WSB1: variants seen among roughly 807,000 people sequenced by gnomAD.
The protein encoded by WSB1 is WD repeat and SOCS box containing 1, also known as WD repeat and SOCS box-containing protein 1.
In WSB1, 23 loss-of-function variants were observed where a neutral mutation model predicts 50.2. The observed-to-expected ratio is 0.46, with a 90% CI of 0.33 to 0.65. WSB1 has a LOEUF of 0.65. Ranked by LOEUF, WSB1 falls within the 30% of genes least tolerant of loss-of-function variation. WSB1 has a pLI of 0.02. For missense variants in WSB1, 492 were observed against 522.3 expected (o/e 0.94, Z 0.56); for synonymous variants, 179 against 172.0 (o/e 1.04, Z -0.32).
rs1229731712 is a variant in WSB1, at chr17:27,300,698, T to G, written c.41-1090T>G. 7.5e-5 allele frequency among the ~76,000 whole-genome samples: 11 copies of G among 146,062 alleles called. No individual in the cohort carries two copies. In the South Asian group the frequency reaches 2.3e-3, roughly 31 times the overall value. ...TATAATGCATTTTGGTTTTTTTTGT[T>G]TTTTTTTTTTTATGACAGTCTTGCT... On this transcript the variant is annotated intron_variant, in intron 1 of 8. Transcript: ENST00000262394.
intron 2 of WSB1, 126 bp from the exon 3 acceptor site, chr17:27,303,241 C>G: frequency 1.9e-6 from 2 of 1,058,754 alleles, no homozygotes; most frequent in South Asian, 3.3e-5. Context: ...CTATAGGATT[C>G]TATTGTTATT....
At chr17:27,299,765 T>TA (rs2017148272) in intron 1 of WSB1, among the ~76,000 whole-genome samples, 1 of 152,274 alleles carries the variant, frequency 6.6e-6, no homozygotes, top group African/African-American at 2.4e-5. Flanking sequence ...CTTAGCCTGG[T>TA]AAAAAAGATT....
chr17:27,301,738 A>G, intron 1 of WSB1, 50 bp from the exon 2 acceptor site: 1 of 1,585,754 alleles, frequency 6.3e-7, no homozygotes, highest in Admixed American at 1.7e-5. Context: ...GCAGTCTCAC[A>G]TGTATTGTTG....
chr17:27,309,670 C>T (rs2017592972), intron 6 of WSB1, among the ~76,000 whole-genome samples: 1 of 151,980 alleles, frequency 6.6e-6, no homozygotes. Flanking sequence ...GCAACCTCCA[C>T]CTCCTGGGTT....
At position 27,315,374 on chromosome 17, in the gene WSB1, A is replaced by G. The variant is rs2017810221; in HGVS notation, c.*3005A>G. ...CCAAGCTATCCTTTTGCGATAATGA[A>G]ATCACTTTAAAACCTATAACTTGAT... On this transcript the variant is annotated 3_prime_UTR_variant, in exon 9 of 9. Transcript: ENST00000262394. The G allele has an allele frequency of 1.3e-5, 2 of 152,230 alleles. No individual in the cohort carries two copies. The highest frequency in any genetic ancestry group is 4.1e-4 in the South Asian group (2 of 4,838). The allele number at this position is 152,230 out of a possible 1,614,324, so 9.4% of individuals were successfully genotyped here.
At position 27,294,216 on chromosome 17, in the gene WSB1, T is replaced by G. The variant is rs1350464189; in HGVS notation, c.-180T>G. 1 of 715,642 alleles carries G rather than the reference T, an allele frequency of 1.4e-6. No homozygotes were observed. Among genetic ancestry groups the G allele is most frequent in the African/African-American group, 1.8e-5 (1 of 55,718 alleles). 44.3% of individuals were successfully genotyped at this position (715,642 alleles called of 1,614,324 possible). A position where few individuals can be genotyped will look rare whatever the true frequency, so the allele number is the denominator to read the frequency against. On this transcript the variant is annotated 5_prime_UTR_variant, in exon 1 of 9. Coordinates refer to ENST00000262394, the MANE Select transcript of WSB1 (RefSeq NM_015626.10). ...CTGTGGTTGACTCCGTACTTTGGTCTGAGGCCTTCGGGAGCTTTCCCGAGG... is the reference window on the plus strand; with the variant it reads ...CTGTGGTTGACTCCGTACTTTGGTCGGAGGCCTTCGGGAGCTTTCCCGAGG...
At chr17:27,301,386 A>G (rs1429199721) in intron 1 of WSB1, among the ~76,000 whole-genome samples, 1 of 152,216 alleles carries the variant, frequency 6.6e-6, no homozygotes, top group Non-Finnish European at 1.5e-5. Flanking sequence ...AAGAAACTTA[A>G]TTTGGAAGAT....
intron 5 of WSB1, chr17:27,307,859 A>G: frequency 6.7e-7 from 1 of 1,486,968 alleles, no homozygotes; most frequent in Non-Finnish European, 8.9e-7. Flanking sequence ...GCTGGGGGCG[A>G]CCTTTACCAT....
chr17:27,294,359 C>A lies in WSB1; in HGVS notation c.-37C>A. 6.2e-7 allele frequency: 1 copy of A among 1,612,182 alleles called. No homozygotes were observed. The highest frequency in any genetic ancestry group is 1.7e-4 in the Middle Eastern group (1 of 6,040). On this transcript the variant is annotated 5_prime_UTR_variant, in exon 1 of 9. Transcript: ENST00000262394. The stretch of plus-strand genomic sequence containing the variant: ...GCCACTCTCTTCTCTGTTGTTGGGT[C>A]CGCATCGTATTCCCGGAATCAGACG...
chr17:27,307,873 A>T, intron 5 of WSB1: 1 of 1,463,374 alleles, frequency 6.8e-7, no homozygotes, highest in Non-Finnish European at 9.0e-7. Context: ...TTACCATAGG[A>T]TGAAGTAACC....
chr17:27,299,125 A>G (rs991366834), intron 1 of WSB1, among the ~76,000 whole-genome samples: 14 of 152,230 alleles, frequency 9.2e-5, no homozygotes, highest in Non-Finnish European at 1.9e-4. Context: ...TAGGTTTGGG[A>G]AAATTGTAAG....
Position 27,310,112 on chromosome 17 carries a change from G to A in WSB1, c.936G>A (p.Arg312=), listed in dbSNP as rs752987494. 6.2e-7 allele frequency: 1 copy of A among 1,614,118 alleles called. No homozygotes were observed. Among genetic ancestry groups the A allele is most frequent in the South Asian group, 1.1e-5 (1 of 91,088 alleles). The change falls in exon 7 of 9, where the codon CGG becomes CGA. Residue 312 remains arginine, a synonymous_variant. Coordinates refer to ENST00000262394, the MANE Select transcript of WSB1 (RefSeq NM_015626.10). The part of the protein sequence containing the change: ...TPIFAGGAND[R]WVRSVSFSHD... ...TATTTGCTGGAGGAGCAAATGACCGGTGGGTACGATCTGTATCTTTTAGCC... is the reference window on the plus strand; with the variant it reads ...TATTTGCTGGAGGAGCAAATGACCGATGGGTACGATCTGTATCTTTTAGCC...
chr17:27,297,490 CAG>C (rs1213446254), intron 1 of WSB1, among the ~76,000 whole-genome samples: 2 of 149,516 alleles, frequency 1.3e-5, no homozygotes, highest in Non-Finnish European at 3.0e-5. Context: ...TTTTTTTAGA[CAG>C]AGTCTTGCTC....
chr17:27,295,831 T>TTC (rs925373336), intron 1 of WSB1, among the ~76,000 whole-genome samples: 2 of 147,254 alleles, frequency 1.4e-5, no homozygotes, highest in South Asian at 2.3e-4. Flanking sequence ...CGGTCCTGTT[T>TTC]TCTCTCTCTC....
chr17:27,297,555 C>T (rs2017031263), intron 1 of WSB1, among the ~76,000 whole-genome samples: 1 of 151,920 alleles, frequency 6.6e-6, no homozygotes, highest in African/African-American at 2.4e-5. Context: ...GCAACCTCTG[C>T]CTCCTGGGCT....
intron 7 of WSB1, 60 bp from the exon 8 acceptor site, chr17:27,311,447 TAA>T: frequency 7.2e-7 from 1 of 1,393,524 alleles, no homozygotes; most frequent in Non-Finnish European, 9.9e-7. Context: ...TTCTAAATTT[TAA>T]AAAAGTTGCT....
At position 27,301,905 on chromosome 17, in the gene WSB1, A is replaced by G. The variant is rs755900293; in HGVS notation, c.158A>G (p.Gln53Arg). The change falls in exon 2 of 9, where the codon CAA becomes CGA. Residue 53 changes from glutamine (Q) to arginine (R), a missense_variant. By Grantham distance (43) the Gln-to-Arg change is conservative. Transcript: ENST00000262394. Reference protein sequence around the residue: ...APDGSYFAWSQGHRTVKLVPW... With the variant: ...APDGSYFAWSRGHRTVKLVPW... ...GATGGTTCATACTTTGCTTGGTCAC[A>G]AGGACATCGCACAGTAAAGCTTGTT... is the stretch of plus-strand genomic sequence containing the variant. The G allele has an allele frequency of 6.8e-6, 11 of 1,612,908 alleles. No homozygotes were observed. In the East Asian group the frequency reaches 2.0e-4, roughly 29 times the overall value.
chr17:27,307,885 T>C, intron 5 of WSB1: 1 of 1,445,018 alleles, frequency 6.9e-7, no homozygotes. Flanking sequence ...GAAGTAACCT[T>C]GCATTCGGCT....
At chr17:27,308,998 C>T (rs2064332939) in intron 5 of WSB1, 102 bp from the exon 6 acceptor site, 1 of 1,370,824 alleles carries the variant, frequency 7.3e-7, no homozygotes, top group Non-Finnish European at 9.5e-7. Flanking sequence ...ATTTATAATG[C>T]TTAATATAAT....
Sources: gnomAD v4.1 joint callset for allele counts (sites outside exome capture counted in the v4.1 genomes callset) on GRCh38, gnomAD v4.1.1 for gene constraint, MANE v1.5 for transcripts, NCBI Gene and HGNC (gene_info 2026-07-23, HGNC 2026-07-21) for gene names.